The following ACOT11 variants were observed in gnomAD, a reference collection of about 807,000 sequenced individuals.
ACOT11 encodes acyl-CoA thioesterase 11, also known as acyl-coenzyme A thioesterase 11.
Under a neutral mutation model 77.5 loss-of-function variants are expected in ACOT11, and 69 were observed. The observed-to-expected ratio is 0.89, with a 90% CI of 0.73 to 1.09. The LOEUF (loss-of-function observed/expected upper bound fraction) is 1.09. Ranked by LOEUF, ACOT11 falls within the 50% of genes least tolerant of loss-of-function variation. The pLI is 0.00. For synonymous variants in ACOT11, 279 were observed against 313.0 expected, an observed-to-expected ratio of 0.89 and a Z score of 1.15; for missense variants, 766 against 813.7, an observed-to-expected ratio of 0.94 and a Z score of 0.71.
rs1332756119 is a variant in ACOT11 at position 54,562,030 on chromosome 1, C to T, written c.33+13688C>T. 6.6e-3 allele frequency among the ~76,000 whole-genome samples: 461 copies of T among 70,050 alleles called. 1 individual carries two copies. Among genetic ancestry groups the T allele is most frequent in the Non-Finnish European group, 9.2e-3 (339 of 36,980 alleles). The allele number at this position is 70,050 out of a possible 152,430, so 46.0% of individuals were successfully genotyped here. On this transcript the variant is annotated intron_variant, in intron 1 of 15. Transcript: ENST00000343744. ...TCACCTCCCAGACGGGGCGGCTGGC[C>T]GGGCGGAGGGCTGACCCCCCCCACC...
intron 13 of ACOT11, among the ~76,000 whole-genome samples, chr1:54,606,325 G>T (rs780976733): frequency 3.9e-5 from 6 of 152,188 alleles, no homozygotes; most frequent in Non-Finnish European, 8.8e-5. Context: ...GGGATTTGTG[G>T]GGGAGTGGCC....
chr1:54,591,430 C>T (rs1213681865), intron 3 of ACOT11, among the ~76,000 whole-genome samples: 1 of 152,206 alleles, frequency 6.6e-6, no homozygotes, highest in South Asian at 2.1e-4. Flanking sequence ...TGGCCATTCC[C>T]ACTGTGTTCA....
chr1:54,595,798 G>A (rs1309949333), intron 6 of ACOT11, among the ~76,000 whole-genome samples: 1 of 152,174 alleles, frequency 6.6e-6, no homozygotes, highest in Non-Finnish European at 1.5e-5. Flanking sequence ...GGGAGACCTT[G>A]GACTTGTTTA....
chr1:54,561,999 C>T lies in ACOT11; in HGVS notation c.33+13657C>T, dbSNP rs1163577241. On this transcript the variant is annotated intron_variant, in intron 1 of 15. Transcript: ENST00000343744. ...CCCAGTAGGGGCGGCCGGGCAGAGG[C>T]GCCCCTCACCTCCCAGACGGGGCGG... Among the ~76,000 whole-genome samples, 254 of 72,648 alleles carry T rather than the reference C, an allele frequency of 3.5e-3. 2 individuals are homozygous for T. Among genetic ancestry groups the T allele is most frequent in the Admixed American group, 6.2e-3 (59 of 9,532 alleles). 47.7% of individuals were successfully genotyped at this position (72,648 alleles called of 152,430 possible). A position where few individuals can be genotyped will look rare whatever the true frequency, so the allele number is the denominator to read the frequency against.
At chr1:54,586,709 C>T (rs112473063) in intron 3 of ACOT11, among the ~76,000 whole-genome samples, 7,009 of 152,246 alleles carry the variant, frequency 0.046, 206 homozygotes, top group Middle Eastern at 0.14. Flanking sequence ...GCTGGGATTA[C>T]GGGTGTGAGC....
chr1:54,588,684 C>T (rs1241382548), intron 3 of ACOT11, among the ~76,000 whole-genome samples: 1 of 152,172 alleles, frequency 6.6e-6, no homozygotes, highest in South Asian at 2.1e-4. Context: ...GGAGCTGTGT[C>T]TGGGCCAGCT....
At chr1:54,633,718 A>G (rs1306347864) in intron 16 of ACOT11, among the ~76,000 whole-genome samples, 1 of 152,218 alleles carries the variant, frequency 6.6e-6, no homozygotes, top group Non-Finnish European at 1.5e-5. Context: ...ATGATTTTCA[A>G]AAATTACTAG....
chr1:54,613,216 C>A (rs1046382571), downstream of ACOT11, among the ~76,000 whole-genome samples: 2 of 151,874 alleles, frequency 1.3e-5, no homozygotes. Context: ...CCTGTCTCTA[C>A]TAAAAATACA....
chr1:54,573,030 C>T, intron 1 of ACOT11: 2 of 985,474 alleles, frequency 2.0e-6, no homozygotes, highest in Non-Finnish European at 2.4e-6. Context: ...GACCCTGGAC[C>T]ATGCTGGAAA....
intron 1 of ACOT11, among the ~76,000 whole-genome samples, chr1:54,560,089 A>G (rs1653411027): frequency 6.6e-6 from 1 of 152,330 alleles, no homozygotes; most frequent in Admixed American, 6.5e-5. Flanking sequence ...GGGGCAGACC[A>G]GAGTCTGACA....
rs1643978219 is a variant in ACOT11 at position 54,602,669 on chromosome 1, G to C, written c.1030G>C (p.Asp344His). ...LLPWIRPQPG[D>H]GERRYREASA... ...TTGCCTATCCCGACTTCCTCCCCAG[G>C]ATGGTGAGCGGCGGTACCGAGAGGC... The change falls in exon 10 of 16, where the codon GAT becomes CAT. Residue 344 changes from aspartate to histidine, a missense_variant and splice_region_variant. By Grantham distance (81) the Asp-to-His change is moderately conservative (BLOSUM62 -1). Transcript: ENST00000343744. The C allele has an allele frequency of 6.5e-7, 1 of 1,547,112 alleles. No homozygotes were observed. The highest frequency in any genetic ancestry group is 1.7e-4 in the Middle Eastern group (1 of 5,830).
chr1:54,611,894 C>T (rs1418341882), downstream of ACOT11: 3 of 858,004 alleles, frequency 3.5e-6, no homozygotes, highest in African/African-American at 3.4e-5. Flanking sequence ...GAGTCCTACC[C>T]CTTCCCAAGG....
chr1:54,612,202 C>T (rs540589937), downstream of ACOT11, among the ~76,000 whole-genome samples: 13 of 151,790 alleles, frequency 8.6e-5, no homozygotes, highest in South Asian at 2.1e-4. Context: ...AGGGGTACAG[C>T]GGGCTCCTAT....
At chr1:54,614,949 T>TGC (rs866095931), downstream of ACOT11, 254 of 1,283,394 alleles carry the variant, frequency 2.0e-4, 2 homozygotes, top group South Asian at 7.1e-4. Flanking sequence ...GGTGTGTGTG[T>TGC]GTGTGCATGT....
At chr1:54,608,418 G>A (rs1468280228) in intron 15 of ACOT11, among the ~76,000 whole-genome samples, 1 of 152,050 alleles carries the variant, frequency 6.6e-6, no homozygotes, top group Non-Finnish European at 1.5e-5. Flanking sequence ...AGCGCAGTCC[G>A]TGTTGATGGA....
chr1:54,608,152 G>T, intron 15 of ACOT11, 84 bp downstream of exon 15: 1 of 1,445,304 alleles, frequency 6.9e-7, no homozygotes, highest in South Asian at 1.3e-5. Flanking sequence ...TGCTGGGCTA[G>T]GATAGTCTCA....
At position 54,602,614 on chromosome 1, in the gene ACOT11, G is replaced by T. The variant is rs566508037; in HGVS notation, c.1030-55G>T. 1.2e-5 allele frequency: 17 copies of T among 1,422,566 alleles called. No individual in the cohort carries two copies. In the East Asian group the frequency reaches 4.4e-4, roughly 37 times the overall value. 88.1% of individuals were successfully genotyped at this position (1,422,566 alleles called of 1,614,324 possible). Reference sequence around the variant, plus strand: ...CTCCTTGGGCCCTGGGGGATGGAGAGGGGGCAGGACGGAGGGTGGGGGTAG... The same window carrying T: ...CTCCTTGGGCCCTGGGGGATGGAGATGGGGCAGGACGGAGGGTGGGGGTAG... On this transcript the variant is annotated intron_variant, in intron 9 of 15. Coordinates refer to ENST00000343744, the MANE Select transcript of ACOT11 (RefSeq NM_147161.4).
chr1:54,585,681 G>A (rs1336497369), intron 2 of ACOT11, among the ~76,000 whole-genome samples, 154 bp from the exon 3 acceptor site: 2 of 152,120 alleles, frequency 1.3e-5, no homozygotes, highest in African/African-American at 2.4e-5. Flanking sequence ...TGGTGCCCAC[G>A]GTGAGGGGTG....
chr1:54,562,320 A>G (rs1168336802), intron 1 of ACOT11, among the ~76,000 whole-genome samples: 1 of 56,666 alleles, frequency 1.8e-5, no homozygotes, highest in Non-Finnish European at 3.4e-5. Flanking sequence ...GGGGGGGCTG[A>G]CCCCCCCATC....
Sources: allele counts gnomAD v4.1 joint callset (sites outside exome capture counted in the v4.1 genomes callset), GRCh38; gene constraint gnomAD v4.1.1; transcripts MANE v1.5; gene names NCBI Gene and HGNC (gene_info 2026-07-23, HGNC 2026-07-21).